HERC1: variants seen among roughly 807,000 people sequenced by gnomAD.
HERC1 encodes probable E3 ubiquitin-protein ligase HERC1.
Under a neutral mutation model 554.3 loss-of-function variants are expected in HERC1, and 160 were observed. That is an observed-to-expected ratio of 0.29 (90% CI 0.25 to 0.33). The LOEUF (loss-of-function observed/expected upper bound fraction) is 0.33. Among genes scored for constraint, HERC1 ranks in the 10% least tolerant of loss-of-function variants. HERC1 has a pLI of 1.00. For synonymous variants in HERC1, 2,175 were observed against 2,131.7 expected, an observed-to-expected ratio of 1.02 and a Z score of -0.56; for missense variants, 4,919 against 5,918.5, an observed-to-expected ratio of 0.83 and a Z score of 5.54.
At chr15:63,712,482 C>T (rs1374882101) in intron 24 of HERC1, among the ~76,000 whole-genome samples, 1 of 152,156 alleles carries the variant, frequency 6.6e-6, no homozygotes, top group African/African-American at 2.4e-5. Context: ...TGGAGAGAGA[C>T]GAGTTCACTT....
At chr15:63,803,323 T>TA (rs1428434800) in intron 1 of HERC1, among the ~76,000 whole-genome samples, 3 of 152,204 alleles carry the variant, frequency 2.0e-5, no homozygotes, top group Admixed American at 6.5e-5. Context: ...CAGTAATTGA[T>TA]AGAGTAAGGA....
intron 48 of HERC1, among the ~76,000 whole-genome samples, chr15:63,657,271 T>C (rs1018599215): frequency 4.6e-5 from 7 of 150,894 alleles, no homozygotes; most frequent in African/African-American, 1.7e-4. Context: ...TTTTTTTTTT[T>C]TTTTTTTTGA....
intron 43 of HERC1, among the ~76,000 whole-genome samples, chr15:63,663,744 G>A (rs1179378372): frequency 6.6e-6 from 1 of 152,152 alleles, no homozygotes; most frequent in Non-Finnish European, 1.5e-5. Flanking sequence ...ATAGGCATGA[G>A]CCACTGATAT....
In HERC1 at chr15:63,694,949, C is replaced by T; in HGVS notation, c.5122-55G>A. On this transcript the variant is annotated intron_variant, in intron 27 of 77. Transcript: ENST00000443617. The surrounding 1 kb of genome is among the most constrained non-coding windows in gnomAD (Gnocchi z 4.3). ...TATTAGCAACAATAATACCTGCTTG[C>T]AAAAAGAAGTAATAACATTTTATTT... 1 of 1,505,454 alleles carries T rather than the reference C, an allele frequency of 6.6e-7. No homozygotes were observed. The highest frequency in any genetic ancestry group is 1.2e-5 in the South Asian group (1 of 80,616). 93.3% of individuals were successfully genotyped at this position (1,505,454 alleles called of 1,614,324 possible). A position where few individuals can be genotyped will look rare whatever the true frequency, so the allele number is the denominator to read the frequency against.
intron 1 of HERC1, among the ~76,000 whole-genome samples, chr15:63,788,731 A>T (rs2076532655): frequency 6.6e-6 from 1 of 152,106 alleles, no homozygotes; most frequent in African/African-American, 2.4e-5. Flanking sequence ...GGCCTGACCA[A>T]CGTGGTGAAG....
intron 33 of HERC1, among the ~76,000 whole-genome samples, chr15:63,688,764 A>T (rs1207488848): frequency 6.6e-6 from 1 of 152,206 alleles, no homozygotes; most frequent in Admixed American, 6.5e-5. Context: ...GATATAAATC[A>T]ATGGAGGCTA....
intron 12 of HERC1, among the ~76,000 whole-genome samples, chr15:63,735,535 A>T (rs542746084): frequency 6.6e-6 from 1 of 150,884 alleles, no homozygotes; most frequent in Non-Finnish European, 1.5e-5. Flanking sequence ...CCTAAAATTT[A>T]AAGTATAAAA....
chr15:63,744,038 A>T (rs1457161072), intron 12 of HERC1, among the ~76,000 whole-genome samples: 1 of 151,594 alleles, frequency 6.6e-6, no homozygotes, highest in East Asian at 2.0e-4. Context: ...GGTCTTGGAC[A>T]AGATCTGGGA....
In HERC1 at chr15:63,758,864, AC is replaced by A. The variant is rs373607585; in HGVS notation, c.1027-496del. On this transcript the variant is annotated intron_variant, in intron 3 of 77. Coordinates refer to ENST00000443617, the MANE Select transcript of HERC1 (RefSeq NM_003922.4). The surrounding 1 kb of genome is among the most constrained non-coding windows in gnomAD (Gnocchi z 4.0). ...TAGATAATATTCCATCTAGTAAAAA[AC>A]ATCACAATGTACTCAACCACTTCCC... is the stretch of plus-strand genomic sequence containing the variant. 3.4e-4 allele frequency among the ~76,000 whole-genome samples: 52 copies of A among 152,226 alleles called. No individual in the cohort carries two copies. The East Asian group carries it at 8.7e-3, about 25-fold the overall frequency.
intron 1 of HERC1, among the ~76,000 whole-genome samples, chr15:63,803,423 T>C (rs75099547): frequency 0.059 from 8,965 of 152,000 alleles, 308 homozygotes; most frequent in Non-Finnish European, 0.073. Flanking sequence ...TGCTCTTTTT[T>C]TCTCTCTTTT....
At chr15:63,629,149 C>T (rs1326284874) in intron 69 of HERC1, among the ~76,000 whole-genome samples, 3 of 152,092 alleles carry the variant, frequency 2.0e-5, no homozygotes, top group Non-Finnish European at 4.4e-5. Context: ...GGGGTTTCAC[C>T]ATCTTGGCCA....
At chr15:63,716,006 G>A (rs1328321615) in intron 22 of HERC1, among the ~76,000 whole-genome samples, 2 of 152,154 alleles carry the variant, frequency 1.3e-5, no homozygotes, top group African/African-American at 2.4e-5. Context: ...GACATATTTT[G>A]AATGGCCCTA....
In HERC1 at chr15:63,645,073, A is replaced by T. The variant is rs1421481224; in HGVS notation, c.11103T>A (p.Cys3701Ter). Residue 3701 changes from cysteine (C) to a stop codon, truncating the protein, a stop_gained, in exon 57 of 78, where the codon TGT becomes TGA. Coordinates refer to ENST00000443617, the MANE Select transcript of HERC1 (RefSeq NM_003922.4). LOFTEE classifies it high-confidence loss of function. ...MATGCQSGLV[C>*]VWRIPQDTTQ... ...TAGTATCTTGAGGAATGCGCCAAACACATACTAAGCCACTCTGACAGCCAC... is the reference window on the plus strand; with the variant it reads ...TAGTATCTTGAGGAATGCGCCAAACTCATACTAAGCCACTCTGACAGCCAC... 1 of 1,613,848 alleles carries T rather than the reference A, an allele frequency of 6.2e-7. No homozygotes were observed. The highest frequency in any genetic ancestry group is 8.5e-7 in the Non-Finnish European group (1 of 1,179,776).
At chr15:63,701,830 G>T (rs1053492282) in intron 25 of HERC1, among the ~76,000 whole-genome samples, 1 of 151,638 alleles carries the variant, frequency 6.6e-6, no homozygotes, top group African/African-American at 2.4e-5. Flanking sequence ...TTTTTTTTAA[G>T]TATAACAATC....
intron 1 of HERC1, among the ~76,000 whole-genome samples, chr15:63,813,995 G>GTT (rs1254540413): frequency 6.6e-6 from 1 of 152,118 alleles, no homozygotes; most frequent in Non-Finnish European, 1.5e-5. Context: ...GGAGGCAGAG[G>GTT]TTGCAGTGAG....
intron 14 of HERC1, among the ~76,000 whole-genome samples, chr15:63,732,364 A>G (rs2074333964): frequency 6.6e-6 from 1 of 152,236 alleles, no homozygotes; most frequent in Non-Finnish European, 1.5e-5. Context: ...TATTTAATAC[A>G]AAGTTATTCC....
At position 63,656,100 on chromosome 15, in the gene HERC1, C is replaced by T. The variant is rs777815345; in HGVS notation, c.9858G>A (p.Gln3286=). 6.2e-7 allele frequency: 1 copy of T among 1,612,760 alleles called. No homozygotes were observed. Among genetic ancestry groups the T allele is most frequent in the Non-Finnish European group, 8.5e-7 (1 of 1,179,254 alleles). ...GAAAGTAGCTTACCTGTGTACACAA[C>T]TGTACAAGCAGTTTGGCAGCACTAG... ...NAPSAAKLLV[Q]LCTQNLISAA... is the part of the protein sequence containing the mutation. Residue 3286 remains glutamine, a synonymous_variant, in exon 49 of 78, where the codon CAG becomes CAA. Coordinates refer to ENST00000443617, the MANE Select transcript of HERC1 (RefSeq NM_003922.4).
intron 27 of HERC1, among the ~76,000 whole-genome samples, chr15:63,695,630 C>T (rs866317538): frequency 2.0e-5 from 3 of 152,154 alleles, no homozygotes; most frequent in Admixed American, 6.5e-5. Flanking sequence ...TCAGGTGATC[C>T]GACCACCTCA....
chr15:63,671,132 G>A (rs1219153318), intron 39 of HERC1, among the ~76,000 whole-genome samples: 1 of 151,552 alleles, frequency 6.6e-6, no homozygotes, highest in East Asian at 1.9e-4. Flanking sequence ...GAACTCAGGA[G>A]GCTGAGGTTA....
Sources: gnomAD v4.1 joint callset for allele counts (sites outside exome capture counted in the v4.1 genomes callset) on GRCh38, gnomAD v4.1.1 for gene constraint, Gnocchi (gnomAD v3.1) non-coding constraint, MANE v1.5 for transcripts, NCBI Gene and HGNC (gene_info 2026-07-23, HGNC 2026-07-21) for gene names.